PTPRG: variants seen among roughly 807,000 people sequenced by gnomAD.
The protein encoded by PTPRG is protein tyrosine phosphatase receptor type G, also known as receptor-type tyrosine-protein phosphatase gamma.
A neutral mutation model predicts 165.3 loss-of-function variants in PTPRG; 102 were observed. The observed-to-expected ratio is 0.62, with a 90% confidence interval of 0.53 to 0.73. The LOEUF is 0.73. Ranked by LOEUF, PTPRG falls within the 30% of genes least tolerant of loss-of-function variation. PTPRG has a pLI of 0.00. For missense variants in PTPRG, 1,866 were observed against 1,861.4 expected (o/e 1.00, Z -0.05); for synonymous variants, 675 against 669.5 (o/e 1.01, Z -0.13).
chr3:61,921,152 CTTCCTTCCTTCT>C (rs1325507305), intron 2 of PTPRG, among the ~76,000 whole-genome samples: 2 of 147,694 alleles, frequency 1.4e-5, no homozygotes, highest in Admixed American at 6.8e-5. Flanking sequence ...TCCTTCCTTC[CTTCCTTCCTTCT>C]TACCTATCTA....
chr3:61,781,249 T>C (rs1330478558), intron 2 of PTPRG, among the ~76,000 whole-genome samples: 1 of 152,178 alleles, frequency 6.6e-6, no homozygotes, highest in Non-Finnish European at 1.5e-5. Flanking sequence ...GAAGAGCCAA[T>C]GAAATAGAAT....
At chr3:62,208,715 C>A (rs1700287573) in intron 12 of PTPRG, among the ~76,000 whole-genome samples, 1 of 152,186 alleles carries the variant, frequency 6.6e-6, no homozygotes, top group Non-Finnish European at 1.5e-5. Flanking sequence ...CACTCTGCTC[C>A]TTTGGGCAAA....
intron 3 of PTPRG, among the ~76,000 whole-genome samples, chr3:61,992,183 A>G (rs2040911525): frequency 6.6e-6 from 1 of 152,200 alleles, no homozygotes; most frequent in Non-Finnish European, 1.5e-5. Context: ...ATGATTCTGT[A>G]GGAAGGGTTT....
chr3:61,979,480 C>T (rs991967413), intron 2 of PTPRG, among the ~76,000 whole-genome samples: 5 of 152,110 alleles, frequency 3.3e-5, no homozygotes, highest in African/African-American at 1.2e-4. Context: ...ATTAACAAAG[C>T]TAACAAAATA....
intron 1 of PTPRG, among the ~76,000 whole-genome samples, chr3:61,641,187 C>T (rs983051970): frequency 6.6e-6 from 1 of 152,158 alleles, no homozygotes; most frequent in African/African-American, 2.4e-5. Context: ...ACCTCCCCCT[C>T]CACCGTTCCT....
intron 13 of PTPRG, among the ~76,000 whole-genome samples, chr3:62,226,469 C>T (rs2106908579): frequency 6.6e-6 from 1 of 152,304 alleles, no homozygotes; most frequent in East Asian, 1.9e-4. Flanking sequence ...GTTACATCTC[C>T]ATTATTTGAG....
At chr3:61,781,597 C>T (rs1253419681) in intron 2 of PTPRG, among the ~76,000 whole-genome samples, 1 of 152,074 alleles carries the variant, frequency 6.6e-6, no homozygotes, top group Non-Finnish European at 1.5e-5. Context: ...AGATTTGTCT[C>T]TGATTCTCTG....
intron 1 of PTPRG, among the ~76,000 whole-genome samples, chr3:61,594,039 T>G (rs2106829199): frequency 6.6e-6 from 1 of 152,348 alleles, no homozygotes; most frequent in East Asian, 1.9e-4. Context: ...GAATGTGTAT[T>G]GATTTTTAGA....
chr3:61,826,563 C>A (rs2036119708), intron 2 of PTPRG, among the ~76,000 whole-genome samples: 2 of 151,876 alleles, frequency 1.3e-5, no homozygotes, highest in Non-Finnish European at 1.5e-5. Flanking sequence ...TCCCCTCTTC[C>A]CTACTTTTGA....
chr3:62,086,592 C>T (rs1174040562), intron 5 of PTPRG, among the ~76,000 whole-genome samples: 2 of 152,198 alleles, frequency 1.3e-5, no homozygotes, highest in Non-Finnish European at 2.9e-5. Flanking sequence ...GCATTTTCCA[C>T]ATCCTTGGTT....
At chr3:61,600,180 A>ATGTGTGTGTGTGTGTGTG (rs1476367241) in intron 1 of PTPRG, among the ~76,000 whole-genome samples, 2 of 96,620 alleles carry the variant, frequency 2.1e-5, no homozygotes, top group African/African-American at 7.4e-5. Flanking sequence ...AAAAATATAT[A>ATGTGTGTGTGTGTGTGTG]TATATATATA....
intron 1 of PTPRG, among the ~76,000 whole-genome samples, chr3:61,678,028 G>A (rs930719431): frequency 1.3e-5 from 2 of 152,148 alleles, no homozygotes; most frequent in Non-Finnish European, 2.9e-5. Flanking sequence ...GCAGAACTGG[G>A]GCAGAGTCCT....
intron 2 of PTPRG, among the ~76,000 whole-genome samples, chr3:61,972,158 A>G (rs1294449896): frequency 2.0e-5 from 3 of 152,256 alleles, no homozygotes; most frequent in African/African-American, 7.2e-5. Context: ...AAAGTGACAT[A>G]TGAGGACCTC....
chr3:62,242,721 T>A (rs1416724608), intron 14 of PTPRG, among the ~76,000 whole-genome samples: 1 of 152,160 alleles, frequency 6.6e-6, no homozygotes. Flanking sequence ...GTATGCCCAA[T>A]GGAATCATCC....
chr3:61,665,487 C>T (rs1231752836), intron 1 of PTPRG, among the ~76,000 whole-genome samples: 1 of 151,652 alleles, frequency 6.6e-6, no homozygotes, highest in Non-Finnish European at 1.5e-5. Flanking sequence ...CACACACACA[C>T]ACACACACAC....
rs980718451 is a variant in PTPRG, at chr3:62,192,403, T to C, written c.1218+750T>C. On this transcript the variant is annotated intron_variant, in intron 9 of 29. Transcript: ENST00000474889. ...CTCCACAACTACTGTCTTTTTTTTT[T>C]TTTTTTTTTTTTTTTTTTTTTTTGA... Among the ~76,000 whole-genome samples, 23 of 110,988 alleles carry C rather than the reference T, an allele frequency of 2.1e-4. 2 individuals carry two copies. The highest frequency in any genetic ancestry group is 7.7e-4 in the African/African-American group (22 of 28,568). 72.8% of individuals were successfully genotyped at this position (110,988 alleles called of 152,430 possible).
chr3:62,239,201 T>C (rs531312841), intron 14 of PTPRG, among the ~76,000 whole-genome samples: 1 of 152,232 alleles, frequency 6.6e-6, no homozygotes, highest in East Asian at 1.9e-4. Context: ...AAATGGCTCT[T>C]TGTGATCCTA....
At chr3:61,924,808 T>G (rs1265556514) in intron 2 of PTPRG, among the ~76,000 whole-genome samples, 1 of 152,230 alleles carries the variant, frequency 6.6e-6, no homozygotes, top group Non-Finnish European at 1.5e-5. Flanking sequence ...GCAACTGTTG[T>G]GGACTGAATG....
intron 4 of PTPRG, among the ~76,000 whole-genome samples, chr3:62,059,587 C>G (rs1422552620): frequency 1.3e-5 from 2 of 152,210 alleles, no homozygotes; most frequent in South Asian, 4.1e-4. Flanking sequence ...CCTATAATCC[C>G]AGCTCTCTGG....
Sources: allele counts gnomAD v4.1 joint callset (sites outside exome capture counted in the v4.1 genomes callset), GRCh38; gene constraint gnomAD v4.1.1; transcripts MANE v1.5; gene names NCBI Gene and HGNC (gene_info 2026-07-23, HGNC 2026-07-21).